Variants in NKAIN3 observed in about 807,000 individuals in gnomAD.
The protein encoded by NKAIN3 is sodium/potassium transporting ATPase interacting 3.
In NKAIN3, 25 loss-of-function variants were observed where a neutral mutation model predicts 30.2. That is an observed-to-expected ratio of 0.83 (90% CI 0.60 to 1.16). NKAIN3 has a LOEUF of 1.16. NKAIN3 is among the 50% of genes most tolerant of loss of function. NKAIN3 has a pLI of 0.00. For synonymous variants in NKAIN3, 91 were observed against 89.6 expected (o/e 1.02, Z -0.09); for missense variants, 225 against 254.1 (o/e 0.89, Z 0.78).
chr8:62,496,957 T>A (rs73267338), intron 1 of NKAIN3, among the ~76,000 whole-genome samples: 2,556 of 152,186 alleles, frequency 0.017, 75 homozygotes, highest in African/African-American at 0.059. Flanking sequence ...ATGCTTTGCT[T>A]AATGAGTGTG....
At chr8:62,757,448 G>A (rs1161626024) in intron 4 of NKAIN3, among the ~76,000 whole-genome samples, 4 of 152,160 alleles carry the variant, frequency 2.6e-5, no homozygotes, top group Non-Finnish European at 5.9e-5. Context: ...AGAGCACTAT[G>A]CTGAGAGCTC....
chr8:62,259,667 C>T (rs997161697), intron 1 of NKAIN3, among the ~76,000 whole-genome samples: 1 of 152,122 alleles, frequency 6.6e-6, no homozygotes. Context: ...ATGGAACATT[C>T]TTACCTTAGG....
intron 1 of NKAIN3, among the ~76,000 whole-genome samples, chr8:62,520,340 T>C (rs1446640375): frequency 6.6e-6 from 1 of 152,186 alleles, no homozygotes; most frequent in Non-Finnish European, 1.5e-5. Flanking sequence ...AGGATTTTGA[T>C]TTAGTTACAT....
rs763615817 is a variant in NKAIN3, at chr8:62,801,119, C to T, written c.471+53990C>T. 6.8e-4 allele frequency among the ~76,000 whole-genome samples: 104 copies of T among 152,360 alleles called. 1 individual carries two copies. The highest frequency in any genetic ancestry group is 6.8e-3 in the Middle Eastern group (2 of 294). On this transcript the variant is annotated intron_variant, in intron 4 of 6. Transcript: ENST00000623646. Reference sequence around the variant, plus strand: ...AGGTAAACAAAGAAGCCGGGAAGCTCCAACTGGGTGGAGCCCACCACAGCT... The same window carrying T: ...AGGTAAACAAAGAAGCCGGGAAGCTTCAACTGGGTGGAGCCCACCACAGCT...
intron 4 of NKAIN3, among the ~76,000 whole-genome samples, chr8:62,818,631 C>G (rs1341014979): frequency 1.3e-5 from 2 of 152,016 alleles, no homozygotes; most frequent in Non-Finnish European, 2.9e-5. Context: ...CCTGGAATAT[C>G]AAAGATTAAT....
chr8:62,248,897 C>G lies in NKAIN3; in HGVS notation c.-177C>G. On this transcript the variant is annotated 5_prime_UTR_variant, in exon 1 of 7. Transcript: ENST00000623646. ...GCGCACCGCACTGACCTCGGCCCGC[C>G]CCGCCGGGAAACTAACAAAGGCGGG... is the stretch of plus-strand genomic sequence containing the variant. 2 of 567,534 alleles carry G rather than the reference C, an allele frequency of 3.5e-6. No homozygotes were observed. The highest frequency in any genetic ancestry group is 6.0e-6 in the Non-Finnish European group (2 of 335,116). The allele number at this position is 567,534 out of a possible 1,614,324, so 35.2% of individuals were successfully genotyped here.
Position 62,975,522 on chromosome 8 carries a change from C to G in NKAIN3, c.*10115C>G, listed in dbSNP as rs1823922616. On this transcript the variant is annotated 3_prime_UTR_variant, in exon 7 of 7. Coordinates refer to ENST00000623646, the MANE Select transcript of NKAIN3 (RefSeq NM_001304533.3). ...ATTAGTGGTGATCTCCACTTTATCA[C>G]TTTTTATTGTGTCTATTTGATTCTT... is the stretch of plus-strand genomic sequence containing the variant. 6.6e-6 allele frequency among the ~76,000 whole-genome samples: 1 copy of G among 151,952 alleles called. No individual in the cohort carries two copies. The highest frequency in any genetic ancestry group is 2.1e-4 in the South Asian group (1 of 4,808).
chr8:62,661,148 C>T (rs921457255), intron 3 of NKAIN3, among the ~76,000 whole-genome samples: 1 of 152,154 alleles, frequency 6.6e-6, no homozygotes, highest in Admixed American at 6.5e-5. Flanking sequence ...GCACGTACGC[C>T]ATCCTTCCAG....
chr8:62,960,614 A>T (rs1416791006), intron 6 of NKAIN3, among the ~76,000 whole-genome samples: 1 of 152,048 alleles, frequency 6.6e-6, no homozygotes, highest in Non-Finnish European at 1.5e-5. Flanking sequence ...ACCAAATTTT[A>T]TGTTAAATAC....
intron 1 of NKAIN3, among the ~76,000 whole-genome samples, chr8:62,341,651 T>A (rs16928726): frequency 0.01 from 1,539 of 151,976 alleles, 26 homozygotes; most frequent in African/African-American, 0.035. Context: ...GGATGAAGAG[T>A]CAAACCTGAT....
downstream of NKAIN3, among the ~76,000 whole-genome samples, chr8:62,988,149 C>G (rs184589218): frequency 2.0e-5 from 3 of 152,218 alleles, no homozygotes; most frequent in East Asian, 3.9e-4. Context: ...TTGGGCAGCT[C>G]CACTTCTGTG....
At chr8:62,819,825 C>G (rs1344011039) in intron 4 of NKAIN3, among the ~76,000 whole-genome samples, 1 of 151,956 alleles carries the variant, frequency 6.6e-6, no homozygotes, top group East Asian at 1.9e-4. Context: ...ACCTTCTACC[C>G]AAAAGACTGC....
At chr8:62,907,139 G>A (rs897673871) in intron 4 of NKAIN3, among the ~76,000 whole-genome samples, 1 of 152,184 alleles carries the variant, frequency 6.6e-6, no homozygotes, top group African/African-American at 2.4e-5. Flanking sequence ...CTCTTGCTAT[G>A]TTTAGCAGGT....
chr8:62,633,084 A>ACTC (rs1812017987), intron 3 of NKAIN3, among the ~76,000 whole-genome samples: 1 of 151,912 alleles, frequency 6.6e-6, no homozygotes, highest in African/African-American at 2.4e-5. Context: ...GGAGCCTAAT[A>ACTC]CTCCTAACTA....
intron 3 of NKAIN3, among the ~76,000 whole-genome samples, chr8:62,614,596 G>A (rs1811393115): frequency 6.6e-6 from 1 of 152,178 alleles, no homozygotes; most frequent in Admixed American, 6.5e-5. Flanking sequence ...AAGGTAACAA[G>A]CTCCCCCAGG....
At chr8:62,418,909 A>C (rs978681212) in intron 1 of NKAIN3, among the ~76,000 whole-genome samples, 4 of 152,178 alleles carry the variant, frequency 2.6e-5, no homozygotes, top group Non-Finnish European at 5.9e-5. Context: ...TGTAGCTTCA[A>C]GTTTAATTGG....
At chr8:62,724,017 G>A (rs770879991) in intron 3 of NKAIN3, among the ~76,000 whole-genome samples, 1 of 152,018 alleles carries the variant, frequency 6.6e-6, no homozygotes, top group Non-Finnish European at 1.5e-5. Context: ...TTGTGTTATA[G>A]GACTAATGAT....
Position 62,554,201 on chromosome 8 carries a change from A to G in NKAIN3, c.55-25338A>G, listed in dbSNP as rs1203484951. ...TCATGATAGAATAATTTTTCTGTAC[A>G]TCACTACTGTTAAAAACAACTGTAA... On this transcript the variant is annotated intron_variant, in intron 1 of 6. Transcript: ENST00000623646. 3.3e-5 allele frequency among the ~76,000 whole-genome samples: 5 copies of G among 152,316 alleles called. 1 individual carries two copies. The South Asian group carries it at 1.0e-3, about 32-fold the overall frequency.
chr8:62,431,461 A>C (rs1301212804), intron 1 of NKAIN3, among the ~76,000 whole-genome samples: 1 of 151,796 alleles, frequency 6.6e-6, no homozygotes, highest in African/African-American at 2.4e-5. Flanking sequence ...GGCTGAACCC[A>C]TTTGTGCTAA....
Sources: allele counts gnomAD v4.1 joint callset (sites outside exome capture counted in the v4.1 genomes callset), GRCh38; gene constraint gnomAD v4.1.1; transcripts MANE v1.5; gene names NCBI Gene and HGNC (gene_info 2026-07-23, HGNC 2026-07-21).